The following AGBL1 variants were observed in gnomAD, a reference collection of about 807,000 sequenced individuals.
The protein encoded by AGBL1 is cytosolic carboxypeptidase 4.
Under a neutral mutation model 118.9 loss-of-function variants are expected in AGBL1, and 130 were observed. The observed-to-expected ratio is 1.09, with a 90% CI of 0.95 to 1.26. AGBL1 has a LOEUF of 1.26. AGBL1 is among the 50% of genes most tolerant of loss of function. The pLI, the probability that AGBL1 is intolerant of heterozygous loss-of-function variation, is 0.00. For synonymous variants in AGBL1, 555 were observed against 478.9 expected (o/e 1.16, Z -2.08); for missense variants, 1,584 against 1,298.1 (o/e 1.22, Z -3.38).
At chr15:86,979,838 G>C (rs987285702) in intron 23 of AGBL1, among the ~76,000 whole-genome samples, 22 of 152,110 alleles carry the variant, frequency 1.4e-4, no homozygotes, top group African/African-American at 4.8e-4. Context: ...AACCATATTA[G>C]AGTGAAGGAC....
intron 22 of AGBL1, among the ~76,000 whole-genome samples, chr15:86,733,150 A>C (rs1486222778): frequency 3.3e-5 from 5 of 151,834 alleles, no homozygotes; most frequent in South Asian, 2.1e-4. Context: ...AAGAAGTCTC[A>C]AGGTCTGCCA....
chr15:86,751,774 A>T (rs1030768495), intron 22 of AGBL1, among the ~76,000 whole-genome samples: 1 of 152,090 alleles, frequency 6.6e-6, no homozygotes, highest in Non-Finnish European at 1.5e-5. Flanking sequence ...TGATATGTGT[A>T]TTTCTTAAGA....
chr15:86,963,095 CA>C (rs958337229), intron 23 of AGBL1, among the ~76,000 whole-genome samples: 2 of 152,038 alleles, frequency 1.3e-5, no homozygotes, highest in Non-Finnish European at 2.9e-5. Flanking sequence ...AGTTTGAATT[CA>C]TATATATCAG....
At chr15:86,677,045 A>C (rs1009912977) in intron 22 of AGBL1, among the ~76,000 whole-genome samples, 20 of 152,074 alleles carry the variant, frequency 1.3e-4, no homozygotes, top group African/African-American at 4.8e-4. Context: ...AAATGCAAGG[A>C]TGTGGTACTG....
At chr15:86,177,281 C>T (rs964316395) in intron 5 of AGBL1, among the ~76,000 whole-genome samples, 1 of 152,038 alleles carries the variant, frequency 6.6e-6, no homozygotes, top group Non-Finnish European at 1.5e-5. Context: ...AATAACAGAG[C>T]TTCAAAATAA....
At chr15:86,840,791 T>A (rs960207334) in intron 22 of AGBL1, among the ~76,000 whole-genome samples, 1 of 152,142 alleles carries the variant, frequency 6.6e-6, no homozygotes. Context: ...CTCATCTTCT[T>A]TTTATCTCTT....
intron 22 of AGBL1, among the ~76,000 whole-genome samples, chr15:86,714,994 A>G (rs1033295581): frequency 5.9e-5 from 9 of 152,184 alleles, no homozygotes; most frequent in Non-Finnish European, 1.2e-4. Context: ...AAGTACTTTA[A>G]TGATCTTCCG....
intron 22 of AGBL1, among the ~76,000 whole-genome samples, chr15:86,818,506 C>G (rs564465274): frequency 6.6e-6 from 1 of 152,316 alleles, no homozygotes; most frequent in South Asian, 2.1e-4. Context: ...ACCACTCCCC[C>G]AAACCCCAAC....
chr15:86,484,953 G>A (rs2082695669), intron 18 of AGBL1, among the ~76,000 whole-genome samples: 2 of 152,114 alleles, frequency 1.3e-5, no homozygotes, highest in South Asian at 4.1e-4. Flanking sequence ...ATACTTCACT[G>A]TATTTAAGAG....
chr15:87,024,523 T>G (rs2081705172), intron 24 of AGBL1, among the ~76,000 whole-genome samples: 1 of 151,606 alleles, frequency 6.6e-6, no homozygotes, highest in African/African-American at 2.4e-5. Flanking sequence ...ACCAGACAGA[T>G]TCCCAGACGT....
chr15:86,635,328 C>G (rs1235025720), intron 21 of AGBL1, among the ~76,000 whole-genome samples: 1 of 58,700 alleles, frequency 1.7e-5, no homozygotes, highest in Non-Finnish European at 3.7e-5. Context: ...TCCTCCTCCT[C>G]CTCCTCCTCC....
chr15:86,909,864 C>A lies in AGBL1; in HGVS notation c.*2570C>A, dbSNP rs562850797. The A allele has an allele frequency of 6.6e-6, 1 of 152,184 alleles. No homozygotes were observed. Among genetic ancestry groups the A allele is most frequent in the Non-Finnish European group, 1.5e-5 (1 of 68,032 alleles). 9.4% of individuals were successfully genotyped at this position (152,184 alleles called of 1,614,324 possible). On this transcript the variant is annotated 3_prime_UTR_variant, in exon 23 of 23. Coordinates refer to ENST00000614907, the MANE Select transcript of AGBL1 (RefSeq NM_001386094.1). ...GTCATGAGGCATGTTTCTTAAAAAA[C>A]GTGACCATGACAGATAAGTTTTTAT...
At chr15:86,454,873 G>A (rs1215049136) in intron 18 of AGBL1, among the ~76,000 whole-genome samples, 2 of 152,110 alleles carry the variant, frequency 1.3e-5, no homozygotes, top group Non-Finnish European at 2.9e-5. Context: ...GCATTTTGTT[G>A]TATGTAAATT....
intron 18 of AGBL1, among the ~76,000 whole-genome samples, chr15:86,502,898 G>T (rs1186425819): frequency 4.0e-5 from 6 of 151,166 alleles, no homozygotes; most frequent in Non-Finnish European, 5.9e-5. Flanking sequence ...TGATATCTTT[G>T]GTTTTGCTAC....
chr15:86,514,978 A>T (rs539446301), intron 18 of AGBL1, among the ~76,000 whole-genome samples: 99 of 152,284 alleles, frequency 6.5e-4, no homozygotes, highest in African/African-American at 2.4e-3. Flanking sequence ...TTTTTTACAT[A>T]GTTGCATAAT....
intron 21 of AGBL1, among the ~76,000 whole-genome samples, chr15:86,636,999 A>C (rs776564202): frequency 1.2e-4 from 18 of 151,850 alleles, no homozygotes; most frequent in Non-Finnish European, 2.1e-4. Flanking sequence ...CCAGGTATGT[A>C]TACAAGTAAC....
intron 21 of AGBL1, among the ~76,000 whole-genome samples, chr15:86,609,179 G>A (rs1166057304): frequency 6.6e-6 from 1 of 152,162 alleles, no homozygotes; most frequent in Non-Finnish European, 1.5e-5. Context: ...GTTACTGCCT[G>A]TATATGGATA....
intron 18 of AGBL1, among the ~76,000 whole-genome samples, chr15:86,448,055 G>A (rs1354849375): frequency 6.6e-6 from 1 of 152,140 alleles, no homozygotes; most frequent in East Asian, 1.9e-4. Flanking sequence ...TGTGGTGGGA[G>A]GGTCACCTGA....
chr15:87,011,655 T>A (rs2141781885), intron 24 of AGBL1, among the ~76,000 whole-genome samples: 1 of 152,342 alleles, frequency 6.6e-6, no homozygotes, highest in Middle Eastern at 3.4e-3. Context: ...CTGACTGCAC[T>A]GTAATGGATT....
Sources: gnomAD v4.1 joint callset for allele counts (sites outside exome capture counted in the v4.1 genomes callset) on GRCh38, gnomAD v4.1.1 for gene constraint, MANE v1.5 for transcripts, NCBI Gene and HGNC (gene_info 2026-07-23, HGNC 2026-07-21) for gene names.